Variants in CYLC1 observed in about 807,000 individuals in gnomAD.
CYLC1 encodes the protein cylicin-1.
Under a neutral mutation model 31.6 loss-of-function variants are expected in CYLC1, and 2 were observed. The observed-to-expected ratio is 0.06, with a 90% confidence interval of 0.03 to 0.20. CYLC1 has a LOEUF of 0.20. Ranked by LOEUF, CYLC1 falls within the 10% of genes least tolerant of loss-of-function variation. The probability of loss-of-function intolerance (pLI) is 1.00; values close to 1 mark genes in which losing one functional copy is unlikely to be tolerated. For synonymous variants in CYLC1, 185 were observed against 153.0 expected (o/e 1.21, Z -1.54); for missense variants, 595 against 424.1 (o/e 1.40, Z -3.54).
chrX:83,861,802 G>A (rs1323366524), intron 1 of CYLC1, among the ~76,000 whole-genome samples: 3 of 111,033 alleles, frequency 2.7e-5, no homozygotes, highest in Admixed American at 9.6e-5. Context: ...TAAAAATTAA[G>A]ATAATGTAAG....
intron 4 of CYLC1, among the ~76,000 whole-genome samples, chrX:83,882,182 A>G (rs763325838): frequency 9.0e-6 from 1 of 110,890 alleles, no homozygotes; most frequent in African/African-American, 3.3e-5. Context: ...TCTCTGAATA[A>G]TATATTTATA....
rs1442443985 is a variant in CYLC1, at chrX:83,873,332, G to A, written c.624G>A (p.Lys208=). ...KDKKDSKNSK[K]TNTEFLHTKN... ...AGAAAGATTCAAAGAATTCCAAGAAGACAAACACTGAATTCCTACATACAA... is the reference window on the plus strand; with the variant it reads ...AGAAAGATTCAAAGAATTCCAAGAAAACAAACACTGAATTCCTACATACAA... The change falls in exon 4 of 5, where the codon AAG becomes AAA. Residue 208 remains lysine, a synonymous_variant. Coordinates refer to ENST00000329312, the MANE Select transcript of CYLC1 (RefSeq NM_021118.3). 1.7e-6 allele frequency: 2 copies of A among 1,202,428 alleles called. No homozygotes were observed. Among genetic ancestry groups the A allele is most frequent in the Non-Finnish European group, 2.2e-6 (2 of 889,571 alleles).
chrX:83,877,093 T>A (rs1357886966), intron 4 of CYLC1, among the ~76,000 whole-genome samples: 1 of 111,019 alleles, frequency 9.0e-6, no homozygotes, highest in African/African-American at 3.3e-5. Flanking sequence ...CTTCATCTTA[T>A]CAGATGGCAC....
At chrX:83,883,317 A>G (rs898611453) in intron 4 of CYLC1, among the ~76,000 whole-genome samples, 3 of 111,997 alleles carry the variant, frequency 2.7e-5, no homozygotes, top group African/African-American at 9.7e-5. Flanking sequence ...GATTAACTTA[A>G]AAGTTTGGTA....
intron 4 of CYLC1, among the ~76,000 whole-genome samples, chrX:83,878,298 T>TAAAA (rs2031835866): frequency 3.8e-5 from 1 of 26,599 alleles, no homozygotes; most frequent in Non-Finnish European, 6.0e-5. Flanking sequence ...TAAATATATA[T>TAAAA]ATATAAATAT....
At chrX:83,875,774 A>G (rs756605693) in intron 4 of CYLC1, among the ~76,000 whole-genome samples, 1 of 110,782 alleles carries the variant, frequency 9.0e-6, no homozygotes, top group Non-Finnish European at 1.9e-5. Context: ...TTCTGTCTCT[A>G]TGATTTTTGG....
intron 4 of CYLC1, among the ~76,000 whole-genome samples, chrX:83,879,938 T>C (rs1180670048): frequency 8.9e-6 from 1 of 112,234 alleles, no homozygotes; most frequent in Non-Finnish European, 1.9e-5. Flanking sequence ...CATAATGATA[T>C]CTCATTGGTA....
chrX:83,874,262 G>A lies in CYLC1; in HGVS notation c.1554G>A (p.Glu518=). The A allele has an allele frequency of 8.3e-7, 1 of 1,209,372 alleles. No homozygotes were observed. Among genetic ancestry groups the A allele is most frequent in the Non-Finnish European group, 1.1e-6 (1 of 894,257 alleles). The stretch of plus-strand genomic sequence containing the variant: ...AGAAGGATGCAAGAAAGGACACAGA[G>A]TCTACTGATGCTGAATTTGATGAAT... ...DIKKDARKDT[E]STDAEFDESS... is the part of the protein sequence containing the mutation. The change falls in exon 4 of 5, where the codon GAG becomes GAA. Residue 518 remains glutamate (E), a synonymous_variant. Transcript: ENST00000329312.
chrX:83,862,167 G>A (rs1037257201), intron 1 of CYLC1, among the ~76,000 whole-genome samples: 1 of 111,547 alleles, frequency 9.0e-6, no homozygotes, highest in South Asian at 3.7e-4. Context: ...ATACATGTCT[G>A]TAATGTTCAT....
chrX:83,873,791 G>T lies in CYLC1; in HGVS notation c.1083G>T (p.Lys361Asn), dbSNP rs1199270287. The T allele has an allele frequency of 1.2e-5, 14 of 1,186,738 alleles. No homozygotes were observed. The highest frequency in any genetic ancestry group is 1.6e-5 in the Non-Finnish European group (14 of 882,854). ...KKKLKKDDKK[K>N]DTKKYPESTD... ...AATTAAAGAAAGATGACAAGAAAAA[G>T]GACACAAAGAAGTACCCAGAGTCTA... Residue 361 changes from lysine to asparagine, a missense_variant, in exon 4 of 5, where the codon AAG becomes AAT. Coordinates refer to ENST00000329312, the MANE Select transcript of CYLC1 (RefSeq NM_021118.3).
At chrX:83,871,595 A>T (rs759330900) in intron 3 of CYLC1, 25 bp downstream of exon 3, 21 of 1,155,770 alleles carry the variant, frequency 1.8e-5, no homozygotes, top group Admixed American at 1.0e-4. Flanking sequence ...AGTCATTTTT[A>T]AAAACGAAAT....
chrX:83,864,951 C>G (rs745863967), intron 1 of CYLC1, among the ~76,000 whole-genome samples: 1 of 110,681 alleles, frequency 9.0e-6, no homozygotes, highest in Non-Finnish European at 1.9e-5. Context: ...GATCTTGGAC[C>G]TCTTTTTTTC....
intron 4 of CYLC1, among the ~76,000 whole-genome samples, chrX:83,878,052 A>C (rs1223430431): frequency 9.2e-5 from 6 of 64,907 alleles, no homozygotes; most frequent in Non-Finnish European, 1.3e-4. Flanking sequence ...ATAAATATAT[A>C]TATTTGTATA....
Position 83,874,198 on chromosome X carries a change from A to G in CYLC1, c.1490A>G (p.Lys497Arg). Residue 497 changes from lysine (K) to arginine (R), a missense_variant, in exon 4 of 5, where the codon AAA (lysine) becomes AGA (arginine). By Grantham distance (26) the Lys-to-Arg change is conservative. Coordinates refer to ENST00000329312, the MANE Select transcript of CYLC1 (RefSeq NM_021118.3). ...ESDLELKKDK[K>R]HSKEKKGSKK... Reference sequence around the variant, plus strand: ...GATTTGGAGTTAAAGAAGGACAAGAAACACTCAAAGGAAAAGAAAGGTTCA... The same window carrying G: ...GATTTGGAGTTAAAGAAGGACAAGAGACACTCAAAGGAAAAGAAAGGTTCA... The G allele has an allele frequency of 1.7e-6, 2 of 1,206,540 alleles. No homozygotes were observed. Among genetic ancestry groups the G allele is most frequent in the Non-Finnish European group, 2.2e-6 (2 of 892,292 alleles).
intron 1 of CYLC1, among the ~76,000 whole-genome samples, chrX:83,863,662 G>C (rs749237758): frequency 9.0e-6 from 1 of 111,462 alleles, no homozygotes; most frequent in East Asian, 2.8e-4. Context: ...AACTTCAAGT[G>C]GGCCATTAAT....
intron 4 of CYLC1, among the ~76,000 whole-genome samples, chrX:83,877,708 T>G (rs1377792942): frequency 9.5e-6 from 1 of 104,729 alleles, no homozygotes; most frequent in Non-Finnish European, 1.9e-5. Flanking sequence ...TACTTTATGT[T>G]ACCCTCTCAT....
At position 83,869,983 on chromosome X, in the gene CYLC1, T is replaced by C. The variant is rs142749589; in HGVS notation, c.58+78T>C. On this transcript the variant is annotated intron_variant, in intron 2 of 4. Transcript: ENST00000329312. ...AGGAACTAATGACAAGTATATTCCA[T>C]TAAATGTGATAAAGCAGAAACTGCT... 3,555 of 549,096 alleles carry C rather than the reference T, an allele frequency of 6.5e-3. 213 individuals are homozygous for C. The East Asian group carries it at 0.17, about 26-fold the overall frequency. 45.3% of individuals were successfully genotyped at this position (549,096 alleles called of 1,213,427 possible).
intron 4 of CYLC1, among the ~76,000 whole-genome samples, chrX:83,875,356 A>G (rs1194159225): frequency 9.0e-6 from 1 of 111,452 alleles, no homozygotes; most frequent in Non-Finnish European, 1.9e-5. Context: ...GACATATTAC[A>G]TTAGACAGAG....
chrX:83,885,752 G>GA (rs1354152433), intron 4 of CYLC1, among the ~76,000 whole-genome samples: 1 of 108,566 alleles, frequency 9.2e-6, no homozygotes, highest in African/African-American at 3.3e-5. Flanking sequence ...AAAATAAGAA[G>GA]AAAAAACAAA....
Sources: allele counts gnomAD v4.1 joint callset (sites outside exome capture counted in the v4.1 genomes callset), GRCh38; gene constraint gnomAD v4.1.1; transcripts MANE v1.5; gene names NCBI Gene and HGNC (gene_info 2026-07-23, HGNC 2026-07-21).